The following RNU2-2 variants were observed in gnomAD, a reference collection of about 807,000 sequenced individuals.
RNU2-2 encodes RNA, U2 small nuclear 2.
chr11:62,841,659 G>T, the RNU2-2 span: 1 of 152,214 alleles, frequency 6.6e-6, no homozygotes, highest in African/African-American at 2.4e-5. Context: ...ATACCAGGTC[G>T]ATGCGTGGAG....
the RNU2-2 span, chr11:62,841,675 G>C: frequency 5.3e-5 from 8 of 152,152 alleles, no homozygotes; most frequent in Non-Finnish European, 1.0e-4. Context: ...TGGAGTGGAC[G>C]GAGCAAGCTC....
the RNU2-2 span, chr11:62,841,676 G>T: frequency 3.3e-5 from 5 of 152,068 alleles, no homozygotes; most frequent in Non-Finnish European, 7.4e-5. Context: ...GGAGTGGACG[G>T]AGCAAGCTCC....
At chr11:62,841,702 T>TA in the RNU2-2 span, 1 of 152,212 alleles carries the variant, frequency 6.6e-6, no homozygotes. Context: ...CATCTCCTAT[T>TA]TCCAAAAATC....
the RNU2-2 span, chr11:62,841,630 CGTTCCTGGAAGTACT>C: frequency 6.6e-6 from 1 of 152,326 alleles, no homozygotes; most frequent in Admixed American, 6.5e-5. Flanking sequence ...GAGAGTGCAC[CGTTCCTGGAAGTACT>C]GCAATACCAG....
At chr11:62,841,623 A>T in the RNU2-2 span, 1 of 152,192 alleles carries the variant, frequency 6.6e-6, no homozygotes, top group South Asian at 2.1e-4. Context: ...CCGAAGGGAG[A>T]GTGCACCGTT....
the RNU2-2 span, chr11:62,841,702 T>C: frequency 3.3e-5 from 5 of 152,212 alleles, no homozygotes; most frequent in Non-Finnish European, 5.9e-5. Context: ...CATCTCCTAT[T>C]TCCAAAAATC....
chr11:62,841,657 T>C, the RNU2-2 span: 23 of 152,342 alleles, frequency 1.5e-4, no homozygotes, highest in South Asian at 2.1e-4. Flanking sequence ...CAATACCAGG[T>C]CGATGCGTGG....
At chr11:62,841,709 A>T in the RNU2-2 span, 5 of 152,202 alleles carry the variant, frequency 3.3e-5, no homozygotes, top group Non-Finnish European at 2.9e-5. Context: ...TATTTCCAAA[A>T]ATCCATTTAA....
the RNU2-2 span, chr11:62,841,768 C>G: frequency 6.6e-6 from 1 of 152,186 alleles, no homozygotes; most frequent in African/African-American, 2.4e-5. Flanking sequence ...CTGATAAGAA[C>G]AGATACTACA....
the RNU2-2 span, chr11:62,841,679 C>A: frequency 6.6e-6 from 1 of 152,034 alleles, no homozygotes. Flanking sequence ...GTGGACGGAG[C>A]AAGCTCCTAT....
At chr11:62,841,709 A>G in the RNU2-2 span, 7 of 152,202 alleles carry the variant, frequency 4.6e-5, no homozygotes, top group South Asian at 2.1e-4. Flanking sequence ...TATTTCCAAA[A>G]ATCCATTTAA....
At chr11:62,841,654 A>AT in the RNU2-2 span, 1 of 152,248 alleles carries the variant, frequency 6.6e-6, no homozygotes, top group Non-Finnish European at 1.5e-5. Flanking sequence ...CTGCAATACC[A>AT]GGTCGATGCG....
chr11:62,841,740 G>C, the RNU2-2 span: 1 of 152,138 alleles, frequency 6.6e-6, no homozygotes, highest in African/African-American at 2.4e-5. Context: ...TCGGATAGAG[G>C]ACGTATCAGA....
chr11:62,841,720 T>A, the RNU2-2 span: 1 of 152,184 alleles, frequency 6.6e-6, no homozygotes, highest in Non-Finnish European at 1.5e-5. Context: ...ATCCATTTAA[T>A]ATATTGTCCT....
chr11:62,841,802 G>A, the RNU2-2 span: 1 of 152,348 alleles, frequency 6.6e-6, no homozygotes, highest in African/African-American at 2.4e-5. Context: ...AAAAGGCCGA[G>A]AAGCGATACC....
the RNU2-2 span, chr11:62,841,631 G>C: frequency 1.3e-5 from 2 of 152,208 alleles, no homozygotes; most frequent in Non-Finnish European, 2.9e-5. Flanking sequence ...AGAGTGCACC[G>C]TTCCTGGAAG....
At chr11:62,841,762 T>G in the RNU2-2 span, 4 of 152,212 alleles carry the variant, frequency 2.6e-5, no homozygotes, top group Admixed American at 6.5e-5. Context: ...ATTAAACTGA[T>G]AAGAACAGAT....
the RNU2-2 span, chr11:62,841,720 T>TA: frequency 6.6e-6 from 1 of 152,184 alleles, no homozygotes; most frequent in African/African-American, 2.4e-5. Context: ...ATCCATTTAA[T>TA]ATATTGTCCT....
the RNU2-2 span, chr11:62,841,634 C>CA: frequency 6.6e-6 from 1 of 152,228 alleles, no homozygotes; most frequent in African/African-American, 2.4e-5. Flanking sequence ...GTGCACCGTT[C>CA]CTGGAAGTAC....
Sources: allele counts gnomAD v4.1 joint callset, GRCh38; gene constraint gnomAD v4.1.1; transcripts MANE v1.5; gene names NCBI Gene and HGNC (gene_info 2026-07-23, HGNC 2026-07-21).